PTPRF: variants seen among roughly 807,000 people sequenced by gnomAD.
PTPRF encodes receptor-type tyrosine-protein phosphatase F.
In PTPRF, 59 loss-of-function variants were observed where a neutral mutation model predicts 201.8. The observed-to-expected ratio is 0.29, with a 90% CI of 0.24 to 0.36. The LOEUF (loss-of-function observed/expected upper bound fraction) is 0.36. Among genes scored for constraint, PTPRF ranks in the 10% least tolerant of loss-of-function variants. The probability of loss-of-function intolerance (pLI) is 1.00; values close to 1 mark genes in which losing one functional copy is unlikely to be tolerated. For synonymous variants in PTPRF, 1,088 were observed against 1,089.7 expected (o/e 1.00, Z 0.03); for missense variants, 2,132 against 2,690.5 (o/e 0.79, Z 4.59).
At chr1:43,578,746 T>C in intron 6 of PTPRF, 64 bp from the exon 7 acceptor site, 1 of 1,249,736 alleles carries the variant, frequency 8.0e-7, no homozygotes, top group Non-Finnish European at 1.2e-6. Context: ...TCGAGACCTC[T>C]CACCGTGTTC....
chr1:43,524,510 A>G (rs1643041388), upstream of PTPRF, among the ~76,000 whole-genome samples: 1 of 152,190 alleles, frequency 6.6e-6, no homozygotes, highest in Non-Finnish European at 1.5e-5. Context: ...AAATAAAATA[A>G]ATAAATAAAG....
Position 43,597,929 on chromosome 1 carries a change from G to A in PTPRF, c.1995G>A (p.Glu665=), listed in dbSNP as rs1570485388. ...GRHVVDGISR[E]HSSWDLVGLE... is the part of the protein sequence containing the mutation. ...ATGTGGTGGATGGCATCAGCCGTGAGCACTCCAGCTGGGACCTGGTGGGCC... is the reference window on the plus strand; with the variant it reads ...ATGTGGTGGATGGCATCAGCCGTGAACACTCCAGCTGGGACCTGGTGGGCC... The change falls in exon 12 of 34, where the codon GAG becomes GAA. Residue 665 remains glutamate, a synonymous_variant. Transcript: ENST00000359947. The A allele has an allele frequency of 6.3e-7, 1 of 1,593,630 alleles. No individual in the cohort carries two copies. The highest frequency in any genetic ancestry group is 8.5e-7 in the Non-Finnish European group (1 of 1,170,242).
intron 23 of PTPRF, 119 bp from the exon 24 acceptor site, chr1:43,617,326 T>C: frequency 7.0e-7 from 1 of 1,423,934 alleles, no homozygotes; most frequent in Non-Finnish European, 9.6e-7. Flanking sequence ...AGGGCCTGGC[T>C]GTGGCCTGTG....
intron 5 of PTPRF, among the ~76,000 whole-genome samples, chr1:43,564,750 G>A (rs1450374274): frequency 6.6e-6 from 1 of 152,138 alleles, no homozygotes; most frequent in Non-Finnish European, 1.5e-5. Context: ...GCGGGTGCGT[G>A]CCTGCGTTTG....
intron 22 of PTPRF, 79 bp downstream of exon 22, chr1:43,609,577 G>A (rs1345283883): frequency 1.3e-5 from 14 of 1,059,454 alleles, no homozygotes; most frequent in African/African-American, 1.6e-5. Flanking sequence ...TCTCAGGGTC[G>A]CCACTGAAGT....
intron 5 of PTPRF, among the ~76,000 whole-genome samples, chr1:43,566,233 C>T (rs1646176708): frequency 1.3e-5 from 2 of 152,344 alleles, no homozygotes; most frequent in Middle Eastern, 3.4e-3. Flanking sequence ...CCCAGCCCCA[C>T]CTCCGATTTA....
At chr1:43,616,850 C>T (rs750512609) in intron 23 of PTPRF, among the ~76,000 whole-genome samples, 12 of 152,034 alleles carry the variant, frequency 7.9e-5, no homozygotes, top group African/African-American at 1.2e-4. Flanking sequence ...CAAATGAGGT[C>T]ACCCAGGAAA....
intron 30 of PTPRF, 25 bp from the exon 31 acceptor site, chr1:43,620,429 T>C: frequency 6.3e-7 from 1 of 1,597,704 alleles, no homozygotes; most frequent in Non-Finnish European, 8.6e-7. Context: ...CACCTGATTA[T>C]GGGGGCCCGA....
Position 43,598,728 on chromosome 1 carries a change from G to T in PTPRF, c.2128G>T (p.Gly710Trp), listed in dbSNP as rs757714695. ...TCTACCTGACCCCCCAGTGCCCAGC[G>T]GGCCTCCGCGGAAGGTGGAGGTGGA... ...LVRTDEDVPS[G>W]PPRKVEVEPL... Residue 710 changes from glycine (G) to tryptophan (W), a missense_variant, in exon 13 of 34, where the codon GGG becomes TGG. By Grantham distance (184) the Gly-to-Trp change is radical (BLOSUM62 -2). This residue lies in a region of PTPRF where 125 missense variants were observed against 211.9 expected (regional missense o/e 0.59). Coordinates refer to ENST00000359947, the MANE Select transcript of PTPRF (RefSeq NM_002840.5). 1 of 1,613,212 alleles carries T rather than the reference G, an allele frequency of 6.2e-7. No individual in the cohort carries two copies. Among genetic ancestry groups the T allele is most frequent in the African/African-American group, 1.3e-5 (1 of 75,038 alleles).
intron 33 of PTPRF, 99 bp downstream of exon 33, chr1:43,621,331 A>T (rs1659171258): frequency 6.8e-7 from 1 of 1,471,546 alleles, no homozygotes; most frequent in Non-Finnish European, 9.2e-7. Context: ...ATGTGCATTC[A>T]TTCATGCTGC....
chr1:43,612,665 A>T (rs1319947954), intron 22 of PTPRF: 12 of 1,084,028 alleles, frequency 1.1e-5, no homozygotes, highest in Non-Finnish European at 1.4e-5. Flanking sequence ...CCCGCTCGGC[A>T]CCTCCACTGT....
chr1:43,595,010 A>G (rs1036031610), intron 11 of PTPRF, among the ~76,000 whole-genome samples: 14 of 152,168 alleles, frequency 9.2e-5, no homozygotes, highest in Non-Finnish European at 5.9e-5. Flanking sequence ...ACCGAGCAAC[A>G]TGGACGAGTG....
chr1:43,566,683 G>C (rs1257440876), intron 5 of PTPRF, among the ~76,000 whole-genome samples: 3 of 152,224 alleles, frequency 2.0e-5, no homozygotes, highest in African/African-American at 7.2e-5. Context: ...GGATGGGAGA[G>C]AAGGAAGAGG....
chr1:43,545,836 C>T (rs1644633895), intron 3 of PTPRF, among the ~76,000 whole-genome samples: 2 of 152,158 alleles, frequency 1.3e-5, no homozygotes, highest in African/African-American at 2.4e-5. Context: ...GGAATTGTCC[C>T]CATCCAGATC....
Position 43,620,692 on chromosome 1 carries a change from A to G in PTPRF, c.5364+113A>G, listed in dbSNP as rs1659007195. ...CAGAAATCTGAGGCGGTGGGTGGGT[A>G]TTAGGGTGTGAGCACATCTCCCCCT... On this transcript the variant is annotated intron_variant, in intron 31 of 33. Transcript: ENST00000359947. The G allele has an allele frequency of 2.1e-5, 33 of 1,536,746 alleles. 1 individual carries two copies. In the South Asian group the frequency reaches 3.0e-4, roughly 14 times the overall value.
rs1410767912 is a variant in PTPRF at position 43,597,892 on chromosome 1, A to G, written c.1958A>G (p.Asp653Gly). The change falls in exon 12 of 34, where the codon GAC (aspartate) becomes GGC (glycine). Residue 653 changes from aspartate to glycine, a missense_variant. This residue lies in a region of PTPRF where 125 missense variants were observed against 211.9 expected (regional missense o/e 0.59). Coordinates refer to ENST00000359947, the MANE Select transcript of PTPRF (RefSeq NM_002840.5). ...GCCTACGAGGCGGTGGACGGCGAGG[A>G]CCGCGGGCGGCATGTGGTGGATGGC... The part of the protein sequence containing the change: ...SVAYEAVDGE[D>G]RGRHVVDGIS... The G allele has an allele frequency of 6.2e-7, 1 of 1,606,530 alleles. No homozygotes were observed. Among genetic ancestry groups the G allele is most frequent in the Non-Finnish European group, 8.5e-7 (1 of 1,177,074 alleles).
chr1:43,526,269 C>T (rs958087706), upstream of PTPRF, among the ~76,000 whole-genome samples: 4 of 152,058 alleles, frequency 2.6e-5, 1 homozygote, highest in South Asian at 8.3e-4. Flanking sequence ...TTCTCCCTGC[C>T]CATAGTGACT....
At chr1:43,550,073 G>C (rs898467846) in intron 3 of PTPRF, among the ~76,000 whole-genome samples, 1 of 151,826 alleles carries the variant, frequency 6.6e-6, no homozygotes, top group Admixed American at 6.5e-5. Flanking sequence ...GAGGGAAGCG[G>C]AGGGCGAGGC....
At chr1:43,595,292 C>T (rs1162282471) in intron 11 of PTPRF, among the ~76,000 whole-genome samples, 3 of 152,140 alleles carry the variant, frequency 2.0e-5, no homozygotes, top group African/African-American at 7.2e-5. Flanking sequence ...CTCACTGCAA[C>T]CTCCGTCCAC....
Sources: allele counts gnomAD v4.1 joint callset (sites outside exome capture counted in the v4.1 genomes callset), GRCh38; gene constraint gnomAD v4.1.1; regional missense constraint gnomAD v4.1.1; transcripts MANE v1.5; gene names NCBI Gene and HGNC (gene_info 2026-07-23, HGNC 2026-07-21).